ADAMTSL3: variants seen among roughly 807,000 people sequenced by gnomAD.
The protein encoded by ADAMTSL3 is ADAMTS like 3, also known as ADAMTS-like protein 3.
In ADAMTSL3, 128 loss-of-function variants were observed where a neutral mutation model predicts 201.7. That is an observed-to-expected ratio of 0.63 (90% CI 0.55 to 0.73). The LOEUF (loss-of-function observed/expected upper bound fraction) is 0.73, where lower values mean the gene tolerates loss of function less well. Among genes scored for constraint, ADAMTSL3 ranks in the 30% least tolerant of loss-of-function variants. The pLI, the probability that ADAMTSL3 is intolerant of heterozygous loss-of-function variation, is 0.00. For synonymous variants in ADAMTSL3, 738 were observed against 748.4 expected, an observed-to-expected ratio of 0.99 and a Z score of 0.23; for missense variants, 1,990 against 2,119.6, an observed-to-expected ratio of 0.94 and a Z score of 1.20.
At chr15:83,800,694 TA>T (rs539468045) in intron 4 of ADAMTSL3, among the ~76,000 whole-genome samples, 14 of 152,300 alleles carry the variant, frequency 9.2e-5, no homozygotes, top group East Asian at 1.9e-4. Context: ...TCAATTCAAA[TA>T]TTTTTTTTAA....
chr15:83,967,986 A>G (rs892602511), intron 19 of ADAMTSL3, among the ~76,000 whole-genome samples: 30 of 152,232 alleles, frequency 2.0e-4, no homozygotes, highest in African/African-American at 7.2e-4. Context: ...CCATATGCGG[A>G]AAACTGAAAC....
intron 19 of ADAMTSL3, among the ~76,000 whole-genome samples, chr15:83,955,105 G>A (rs1368295394): frequency 1.3e-5 from 2 of 152,220 alleles, no homozygotes; most frequent in Admixed American, 6.5e-5. Context: ...CCTTCAGGGA[G>A]GCAAGTTCTT....
intron 9 of ADAMTSL3, among the ~76,000 whole-genome samples, chr15:83,872,477 G>A (rs1018652926): frequency 1.3e-5 from 2 of 151,912 alleles, no homozygotes; most frequent in Non-Finnish European, 2.9e-5. Context: ...AAGGTTTTGG[G>A]GAAGCCATAA....
chr15:84,018,117 T>C (rs2068121027), intron 25 of ADAMTSL3, among the ~76,000 whole-genome samples: 1 of 152,220 alleles, frequency 6.6e-6, no homozygotes, highest in South Asian at 2.1e-4. Flanking sequence ...AGGATATGTG[T>C]GAGGCTGAAG....
intron 4 of ADAMTSL3, among the ~76,000 whole-genome samples, chr15:83,796,716 A>G (rs1338415459): frequency 6.6e-6 from 1 of 152,208 alleles, no homozygotes; most frequent in East Asian, 1.9e-4. Context: ...AGGCGGGAGT[A>G]GCAAGTGTGG....
chr15:84,023,974 C>T (rs1042012947), intron 26 of ADAMTSL3, among the ~76,000 whole-genome samples: 10 of 152,138 alleles, frequency 6.6e-5, no homozygotes, highest in Admixed American at 3.3e-4. Context: ...TCTGATATAT[C>T]GCCGGGCGCA....
chr15:84,007,587 T>C (rs1462460618), intron 23 of ADAMTSL3, among the ~76,000 whole-genome samples: 1 of 146,008 alleles, frequency 6.8e-6, no homozygotes, highest in Non-Finnish European at 1.6e-5. Flanking sequence ...TCTCTCTGGC[T>C]CTGTTTTTTT....
intron 23 of ADAMTSL3, among the ~76,000 whole-genome samples, chr15:84,009,977 A>G (rs1288137821): frequency 1.3e-5 from 2 of 152,216 alleles, no homozygotes; most frequent in Non-Finnish European, 2.9e-5. Flanking sequence ...AGGGTCTTTC[A>G]CTGTAAGAGG....
chr15:83,831,180 A>G (rs886092404), intron 6 of ADAMTSL3, among the ~76,000 whole-genome samples: 5 of 152,108 alleles, frequency 3.3e-5, no homozygotes, highest in African/African-American at 1.2e-4. Flanking sequence ...CTCCTTTCAT[A>G]AGGACACCTT....
chr15:83,738,673 C>A (rs1011009810), intron 3 of ADAMTSL3, among the ~76,000 whole-genome samples: 1 of 151,980 alleles, frequency 6.6e-6, no homozygotes, highest in Non-Finnish European at 1.5e-5. Flanking sequence ...GTGGGTGGAT[C>A]ACTTGAGGTC....
chr15:83,662,000 T>C (rs1410850281), intron 2 of ADAMTSL3, among the ~76,000 whole-genome samples: 1 of 145,560 alleles, frequency 6.9e-6, no homozygotes, highest in Non-Finnish European at 1.5e-5. Context: ...TCAACCATTG[T>C]GGAAGTCAGT....
chr15:83,938,534 T>TA (rs1183052740), intron 17 of ADAMTSL3, among the ~76,000 whole-genome samples: 3 of 152,284 alleles, frequency 2.0e-5, no homozygotes, highest in South Asian at 2.1e-4. Flanking sequence ...GCTGTCATTT[T>TA]AAAAAAAGCA....
intron 17 of ADAMTSL3, among the ~76,000 whole-genome samples, chr15:83,938,764 T>C (rs1163690608): frequency 4.6e-5 from 7 of 152,216 alleles, no homozygotes; most frequent in African/African-American, 1.7e-4. Context: ...ACTTTCTTAG[T>C]GCTTTAGCAC....
intron 4 of ADAMTSL3, 147 bp downstream of exon 4, chr15:83,773,797 T>G: frequency 2.7e-5 from 31 of 1,144,426 alleles, no homozygotes; most frequent in Non-Finnish European, 3.3e-5. Context: ...CAACCTAGGT[T>G]AACATATTTA....
intron 3 of ADAMTSL3, among the ~76,000 whole-genome samples, chr15:83,764,691 A>T (rs1232013926): frequency 3.9e-4 from 59 of 152,188 alleles, no homozygotes; most frequent in Non-Finnish European, 7.4e-5. Flanking sequence ...AATCCACAGA[A>T]TCTGGCTGGC....
chr15:83,699,414 A>G (rs28478148), intron 2 of ADAMTSL3, among the ~76,000 whole-genome samples: 26,207 of 152,078 alleles, frequency 0.17, 3,053 homozygotes, highest in East Asian at 0.36. Context: ...CCTCATCGGA[A>G]AGCTTTGTTG....
intron 23 of ADAMTSL3, among the ~76,000 whole-genome samples, chr15:83,992,250 G>C (rs1439311512): frequency 6.6e-6 from 1 of 152,130 alleles, no homozygotes; most frequent in Non-Finnish European, 1.5e-5. Flanking sequence ...TCCCTCCACT[G>C]TCATGATCAG....
At chr15:83,660,008 G>A (rs770314522) in intron 2 of ADAMTSL3, among the ~76,000 whole-genome samples, 1 of 152,170 alleles carries the variant, frequency 6.6e-6, no homozygotes, top group East Asian at 1.9e-4. Context: ...GTTGTTTTAA[G>A]ACCTAAATTT....
rs1056399383 is a variant in ADAMTSL3 at position 83,984,098 on chromosome 15, C to G, written c.3716+754C>G. On this transcript the variant is annotated intron_variant, in intron 21 of 29. Coordinates refer to ENST00000286744, the MANE Select transcript of ADAMTSL3 (RefSeq NM_207517.3). ...GTCACATTTCCTTTATTTTACATAA[C>G]AGATACTAATTTACTTTTGCATTCT... Among the ~76,000 whole-genome samples the G allele has an allele frequency of 2.6e-5, 4 of 152,158 alleles. No individual in the cohort carries two copies. The South Asian group carries it at 6.2e-4, about 24-fold the overall frequency.
Sources: gnomAD v4.1 joint callset for allele counts (sites outside exome capture counted in the v4.1 genomes callset) on GRCh38, gnomAD v4.1.1 for gene constraint, MANE v1.5 for transcripts, NCBI Gene and HGNC (gene_info 2026-07-23, HGNC 2026-07-21) for gene names.